KIRREL3: variants seen among roughly 807,000 people sequenced by gnomAD.
KIRREL3 encodes the protein kirre like nephrin family adhesion molecule 3.
In KIRREL3, 36 loss-of-function variants were observed where a neutral mutation model predicts 89.7. That is an observed-to-expected ratio of 0.40 (90% CI 0.31 to 0.53). KIRREL3 has a LOEUF of 0.53. Ranked by LOEUF, KIRREL3 falls within the 20% of genes least tolerant of loss-of-function variation. The pLI, the probability that KIRREL3 is intolerant of heterozygous loss-of-function variation, is 0.49. For synonymous variants in KIRREL3, 445 were observed against 441.4 expected, an observed-to-expected ratio of 1.01 and a Z score of -0.10; for missense variants, 864 against 1,056.6, an observed-to-expected ratio of 0.82 and a Z score of 2.53.
intron 9 of KIRREL3, 86 bp downstream of exon 9, chr11:126,446,673 G>A: frequency 2.1e-6 from 3 of 1,401,156 alleles, no homozygotes; most frequent in Non-Finnish European, 2.9e-6. Context: ...GTCTAATAGT[G>A]AGAGGGGCCT....
At chr11:126,465,016 C>T (rs1333272093) in intron 5 of KIRREL3, among the ~76,000 whole-genome samples, 2 of 152,184 alleles carry the variant, frequency 1.3e-5, no homozygotes, top group Non-Finnish European at 2.9e-5. Flanking sequence ...TTTGCAGCTA[C>T]TTCCCCATCA....
At position 126,736,536 on chromosome 11, in the gene KIRREL3, CA is replaced by C. The variant is rs1338002001; in HGVS notation, c.56-173625del. Among the ~76,000 whole-genome samples, 1 of 152,080 alleles carries C rather than the reference CA, an allele frequency of 6.6e-6. No homozygotes were observed. The highest frequency in any genetic ancestry group is 1.5e-5 in the Non-Finnish European group (1 of 68,028). On this transcript the variant is annotated intron_variant, in intron 1 of 16. Transcript: ENST00000525144. The surrounding 1 kb of genome is among the most constrained non-coding windows in gnomAD (Gnocchi z 5.0). ...TCTCACCTGGGGGCGATTTTGTCCC[CA>C]GGGGACATTTGAGAACATCTGAAGA... is the stretch of plus-strand genomic sequence containing the variant.
rs1242078168 is a variant in KIRREL3 at position 126,535,720 on chromosome 11, C to G, written c.134-9033G>C. On this transcript the variant is annotated intron_variant, in intron 2 of 16. Coordinates refer to ENST00000525144, the MANE Select transcript of KIRREL3 (RefSeq NM_032531.4). This position sits in a 1 kb window ranked among gnomAD's most constrained non-coding sequence, Gnocchi z 4.5. ...TGGTTGAGGGCTGGGCCCGGTGGCTCACGCCTGTAATCCCAGCACTTTGGG... is the reference window on the plus strand; with the variant it reads ...TGGTTGAGGGCTGGGCCCGGTGGCTGACGCCTGTAATCCCAGCACTTTGGG... 3.3e-5 allele frequency among the ~76,000 whole-genome samples: 5 copies of G among 152,234 alleles called. No individual in the cohort carries two copies. The highest frequency in any genetic ancestry group is 6.5e-5 in the Admixed American group (1 of 15,286).
intron 2 of KIRREL3, among the ~76,000 whole-genome samples, chr11:126,547,343 A>C (rs941183225): frequency 6.6e-6 from 1 of 152,230 alleles, no homozygotes; most frequent in Non-Finnish European, 1.5e-5. Flanking sequence ...TCTGCAGGAA[A>C]GACTCTCATT....
At chr11:126,488,864 C>T (rs1252938900) in intron 4 of KIRREL3, among the ~76,000 whole-genome samples, 2 of 152,352 alleles carry the variant, frequency 1.3e-5, no homozygotes, top group African/African-American at 2.4e-5. Context: ...CAGGCCTGGC[C>T]ACCTTTGCAG....
intron 1 of KIRREL3, among the ~76,000 whole-genome samples, chr11:126,625,572 G>T (rs1455162373): frequency 1.3e-5 from 2 of 152,060 alleles, no homozygotes; most frequent in East Asian, 3.9e-4. Context: ...GCCCCTCTCT[G>T]CTGACAGGAT....
rs934843446 is a variant in KIRREL3, at chr11:126,685,938, T to A, written c.56-123026A>T. Reference sequence around the variant, plus strand: ...TGCTCAATGCTGAATCTGCTTCCCATGTGCACAGCTTACTCCTTTGCTCCA... The same window carrying A: ...TGCTCAATGCTGAATCTGCTTCCCAAGTGCACAGCTTACTCCTTTGCTCCA... On this transcript the variant is annotated intron_variant, in intron 1 of 16. Coordinates refer to ENST00000525144, the MANE Select transcript of KIRREL3 (RefSeq NM_032531.4). This position sits in a 1 kb window ranked among gnomAD's most constrained non-coding sequence, Gnocchi z 5.5. 1.4e-4 allele frequency among the ~76,000 whole-genome samples: 21 copies of A among 152,224 alleles called. No individual in the cohort carries two copies. The highest frequency in any genetic ancestry group is 2.5e-4 in the Non-Finnish European group (17 of 68,038).
intron 1 of KIRREL3, among the ~76,000 whole-genome samples, chr11:126,753,522 G>A (rs1302440273): frequency 1.3e-5 from 2 of 152,160 alleles, no homozygotes; most frequent in Non-Finnish European, 2.9e-5. Context: ...ACAATTGTGG[G>A]GGACAAGAGT....
chr11:126,982,071 G>C (rs1170503891), intron 1 of KIRREL3, among the ~76,000 whole-genome samples: 1 of 152,128 alleles, frequency 6.6e-6, no homozygotes, highest in African/African-American at 2.4e-5. Flanking sequence ...TAATTCCCCA[G>C]AGCCCAGAGA....
chr11:126,968,083 A>G lies in KIRREL3; in HGVS notation c.55+32372T>C, dbSNP rs530753788. ...GCAAAGGACTTTGGGATACTCAGAA[A>G]AAAGTTAATAGCTAAATGTAGAGTT... On this transcript the variant is annotated intron_variant, in intron 1 of 16. Transcript: ENST00000525144. 3.3e-5 allele frequency among the ~76,000 whole-genome samples: 5 copies of G among 152,322 alleles called. No individual in the cohort carries two copies. The South Asian group carries it at 1.0e-3, about 32-fold the overall frequency.
At chr11:126,613,602 T>C (rs1043238130) in intron 1 of KIRREL3, among the ~76,000 whole-genome samples, 1 of 152,172 alleles carries the variant, frequency 6.6e-6, no homozygotes, top group African/African-American at 2.4e-5. Flanking sequence ...CTGTTTGATA[T>C]AATTATTTTT....
intron 1 of KIRREL3, among the ~76,000 whole-genome samples, chr11:126,921,961 CTA>C (rs752634753): frequency 3.7e-5 from 5 of 136,742 alleles, no homozygotes; most frequent in African/African-American, 1.4e-4. Context: ...ATCTGTATAT[CTA>C]TATCTATCTA....
intron 1 of KIRREL3, among the ~76,000 whole-genome samples, chr11:126,919,413 G>A (rs560354763): frequency 6.6e-6 from 1 of 152,208 alleles, no homozygotes; most frequent in Non-Finnish European, 1.5e-5. Flanking sequence ...CCAAGGGCAA[G>A]TTTACGGATC....
intron 1 of KIRREL3, among the ~76,000 whole-genome samples, chr11:126,868,623 C>T (rs1945002207): frequency 6.6e-6 from 1 of 152,136 alleles, no homozygotes; most frequent in South Asian, 2.1e-4. Context: ...GTGTCATATA[C>T]TATAAGCCCG....
At position 126,990,430 on chromosome 11, in the gene KIRREL3, C is replaced by A. The variant is rs991183750; in HGVS notation, c.55+10025G>T. 1.3e-5 allele frequency among the ~76,000 whole-genome samples: 2 copies of A among 152,176 alleles called. No homozygotes were observed. Among genetic ancestry groups the A allele is most frequent in the Non-Finnish European group, 2.9e-5 (2 of 68,030 alleles). ...ACCCAGAGGCGAGGAGGAGAGCCCCCCATCCCTCCCGTCCCTTCCCAGCTC... is the reference window on the plus strand; with the variant it reads ...ACCCAGAGGCGAGGAGGAGAGCCCCACATCCCTCCCGTCCCTTCCCAGCTC... On this transcript the variant is annotated intron_variant, in intron 1 of 16. Coordinates refer to ENST00000525144, the MANE Select transcript of KIRREL3 (RefSeq NM_032531.4). The surrounding 1 kb of genome is among the most constrained non-coding windows in gnomAD (Gnocchi z 6.3).
At position 126,970,995 on chromosome 11, in the gene KIRREL3, C is replaced by A. The variant is rs1224660899; in HGVS notation, c.55+29460G>T. Among the ~76,000 whole-genome samples, 3 of 152,196 alleles carry A rather than the reference C, an allele frequency of 2.0e-5. No individual in the cohort carries two copies. Among genetic ancestry groups the A allele is most frequent in the Admixed American group, 2.0e-4 (3 of 15,276 alleles). The stretch of plus-strand genomic sequence containing the variant: ...GTGCACAGGTAGTTTTAGGATTTAA[C>A]ATGTTTAGTAAACATTGCTTTTCCA... On this transcript the variant is annotated intron_variant, in intron 1 of 16. Transcript: ENST00000525144. The surrounding 1 kb of genome is among the most constrained non-coding windows in gnomAD (Gnocchi z 4.4).
intron 1 of KIRREL3, among the ~76,000 whole-genome samples, chr11:126,756,720 A>G (rs1949514671): frequency 6.6e-6 from 1 of 152,220 alleles, no homozygotes; most frequent in Non-Finnish European, 1.5e-5. Context: ...GGTCAAGCAG[A>G]CATCTGCTCT....
chr11:126,514,700 C>G (rs1958345361), intron 4 of KIRREL3, among the ~76,000 whole-genome samples: 1 of 152,172 alleles, frequency 6.6e-6, no homozygotes. Flanking sequence ...GAAACAGGCA[C>G]AGAGTGGTTA....
rs538067581 is a variant in KIRREL3, at chr11:126,894,908, C to T, written c.55+105547G>A. Among the ~76,000 whole-genome samples, 57 of 152,216 alleles carry T rather than the reference C, an allele frequency of 3.7e-4. No individual in the cohort carries two copies. In the Middle Eastern group the frequency reaches 0.031, roughly 82 times the overall value. On this transcript the variant is annotated intron_variant, in intron 1 of 16. Coordinates refer to ENST00000525144, the MANE Select transcript of KIRREL3 (RefSeq NM_032531.4). ...GGATGACCAGAAATGACTAGACACA[C>T]AGTGGAGGGAAAGCCATTCTAGGCA...
Sources: gnomAD v4.1 joint callset for allele counts (sites outside exome capture counted in the v4.1 genomes callset) on GRCh38, gnomAD v4.1.1 for gene constraint, Gnocchi (gnomAD v3.1) non-coding constraint, MANE v1.5 for transcripts, NCBI Gene and HGNC (gene_info 2026-07-23, HGNC 2026-07-21) for gene names.